Variants in ATG16L2 observed in about 807,000 individuals in gnomAD.
ATG16L2 encodes autophagy related 16 like 2.
ATG16L2 carries 77 observed loss-of-function variants against 84.7 expected under a neutral mutation model. That is an observed-to-expected ratio of 0.91 (90% confidence interval 0.76 to 1.10). ATG16L2 has a LOEUF of 1.10. Ranked by LOEUF, ATG16L2 falls within the 50% of genes least tolerant of loss-of-function variation. The probability of loss-of-function intolerance (pLI) is 0.00; values close to 1 mark genes in which losing one functional copy is unlikely to be tolerated. For missense variants in ATG16L2, 782 were observed against 817.6 expected (o/e 0.96, Z 0.53); for synonymous variants, 361 against 342.8 (o/e 1.05, Z -0.59).
chr11:72,835,283 T>C (rs1321168320), intron 5 of ATG16L2, among the ~76,000 whole-genome samples: 2 of 152,192 alleles, frequency 1.3e-5, no homozygotes, highest in Non-Finnish European at 2.9e-5. Context: ...ACACACATTC[T>C]TTCCCTTGGG....
intron 3 of ATG16L2, 95 bp downstream of exon 3, chr11:72,817,950 GC>G: frequency 8.9e-7 from 1 of 1,120,492 alleles, no homozygotes; most frequent in Non-Finnish European, 1.3e-6. Flanking sequence ...AATTCTCCAA[GC>G]CCAGTGCTGC....
chr11:72,838,762 G>A (rs1201296069), intron 5 of ATG16L2: 3 of 1,558,792 alleles, frequency 1.9e-6, no homozygotes, highest in Non-Finnish European at 2.6e-6. Flanking sequence ...GGCCTTGATT[G>A]TAGCAGTAAT....
intron 7 of ATG16L2, chr11:72,823,733 T>TG (rs1337291388): frequency 2.0e-6 from 1 of 490,376 alleles, no homozygotes; most frequent in Admixed American, 2.3e-5. Context: ...ATCCCCAGCC[T>TG]GGGGGAACCT....
At chr11:72,816,624 GC>G in intron 1 of ATG16L2, 103 bp from the exon 2 acceptor site, 1 of 895,422 alleles carries the variant, frequency 1.1e-6, no homozygotes, top group Middle Eastern at 2.5e-4. Context: ...CCCATCCCTA[GC>G]ATCTCTGGGC....
intron 10 of ATG16L2, among the ~76,000 whole-genome samples, chr11:72,825,664 T>G: frequency 6.6e-6 from 1 of 152,070 alleles, no homozygotes; most frequent in East Asian, 1.9e-4. Flanking sequence ...TGATGGGGAT[T>G]GGTGGGGGTC....
intron 3 of ATG16L2, chr11:72,821,186 C>T: frequency 1.0e-6 from 1 of 983,538 alleles, no homozygotes; most frequent in South Asian, 4.6e-5. Context: ...TGTCGGTGTC[C>T]TTGTCTGTGA....
intron 9 of ATG16L2, 44 bp from the exon 10 acceptor site, chr11:72,825,258 A>G (rs1403812841): frequency 2.0e-6 from 3 of 1,502,804 alleles, no homozygotes; most frequent in Admixed American, 3.4e-5. Context: ...TCACAGAGAC[A>G]TGCGCGGGGA....
chr11:72,821,244 G>T, intron 3 of ATG16L2: 1 of 1,005,098 alleles, frequency 9.9e-7, no homozygotes, highest in South Asian at 4.0e-5. Context: ...GATGGAAGGA[G>T]CGTGTAGCCT....
At chr11:72,830,887 C>T (rs945214822), downstream of ATG16L2, among the ~76,000 whole-genome samples, 1 of 152,238 alleles carries the variant, frequency 6.6e-6, no homozygotes, top group African/African-American at 2.4e-5. Context: ...GCCTTAGCCT[C>T]CCCAGTAGCT....
chr11:72,837,888 A>C (rs571195619), intron 5 of ATG16L2: 1 of 152,304 alleles, frequency 6.6e-6, no homozygotes, highest in South Asian at 2.1e-4. Context: ...CCCAGTAGAG[A>C]AGCTCAACAA....
intron 5 of ATG16L2, among the ~76,000 whole-genome samples, chr11:72,835,420 G>A (rs930104001): frequency 6.6e-6 from 1 of 152,102 alleles, no homozygotes; most frequent in South Asian, 2.1e-4. Flanking sequence ...GTGGTGGTGA[G>A]GAGAGGTGGT....
chr11:72,824,840 C>T lies in ATG16L2; in HGVS notation c.994C>T (p.Leu332=), dbSNP rs146474296. ...ARLPTRAQDV[L]DAHLSEVNAV... ...ACTTCCTACCCGGGCTCAGGATGTG[C>T]TGGTAAGGGAGGAGCTGAGCCACAT... The change falls in exon 9 of 18, where the codon CTG becomes TTG. Residue 332 remains leucine, a splice_region_variant and synonymous_variant. Coordinates refer to ENST00000321297, the MANE Select transcript of ATG16L2 (RefSeq NM_033388.2). The T allele has an allele frequency of 7.4e-4, 1,180 of 1,585,466 alleles. 13 individuals carry two copies. The East Asian group carries it at 0.022, about 30-fold the overall frequency.
In ATG16L2 at chr11:72,829,453, A is replaced by C. The variant is rs998640401; in HGVS notation, c.*63A>C. Reference sequence around the variant, plus strand: ...GAAGCCTGAAGCTTCCTTCGGCGCCATGCAGGGGTTGGGGTTGGGACTGGA... The same window carrying C: ...GAAGCCTGAAGCTTCCTTCGGCGCCCTGCAGGGGTTGGGGTTGGGACTGGA... On this transcript the variant is annotated 3_prime_UTR_variant, in exon 18 of 18. Coordinates refer to ENST00000321297, the MANE Select transcript of ATG16L2 (RefSeq NM_033388.2). The C allele has an allele frequency of 2.5e-6, 4 of 1,573,158 alleles. No individual in the cohort carries two copies. Among genetic ancestry groups the C allele is most frequent in the Non-Finnish European group, 2.6e-6 (3 of 1,157,818 alleles).
In ATG16L2 at chr11:72,822,355, G is replaced by C. The variant is rs770218098; in HGVS notation, c.644+60G>C. The C allele has an allele frequency of 1.7e-5, 26 of 1,552,254 alleles. No homozygotes were observed. The African/African-American group carries it at 3.1e-4, about 19-fold the overall frequency. The stretch of plus-strand genomic sequence containing the variant: ...GCCCCGCCCCTGCAGGGAGGAGTCG[G>C]GCCTCGCCGGTGTCTGGAAGGGAGG... On this transcript the variant is annotated intron_variant, in intron 5 of 17. Transcript: ENST00000321297. The surrounding 1 kb of genome is among the most constrained non-coding windows in gnomAD (Gnocchi z 4.2).
intron 5 of ATG16L2, among the ~76,000 whole-genome samples, chr11:72,834,741 C>A (rs1322957746): frequency 6.6e-6 from 1 of 152,142 alleles, no homozygotes; most frequent in African/African-American, 2.4e-5. Flanking sequence ...CACCACCACA[C>A]CTGGCTAATT....
At chr11:72,825,540 A>T in intron 10 of ATG16L2, 133 bp downstream of exon 10, 1 of 705,764 alleles carries the variant, frequency 1.4e-6, no homozygotes, top group Non-Finnish European at 2.4e-6. Flanking sequence ...CAGTGACTAG[A>T]CAATGCCTTG....
intron 1 of ATG16L2, 60 bp from the exon 2 acceptor site, chr11:72,816,668 A>C: frequency 7.2e-7 from 1 of 1,382,930 alleles, no homozygotes; most frequent in African/African-American, 1.4e-5. Context: ...GATAAATTGC[A>C]TGCCAGGGGG....
chr11:72,838,998 G>T, intron 5 of ATG16L2: 1 of 741,436 alleles, frequency 1.3e-6, no homozygotes, highest in South Asian at 1.7e-5. Flanking sequence ...GAAATGTTGT[G>T]AGCACGTGCT....
chr11:72,827,310 GGGGGAGGACTT>G lies in ATG16L2; in HGVS notation c.1472+25_1472+35del. 2 of 1,601,024 alleles carry G rather than the reference GGGGGAGGACTT, an allele frequency of 1.2e-6. No individual in the cohort carries two copies. Among genetic ancestry groups the G allele is most frequent in the Non-Finnish European group, 8.6e-7 (1 of 1,168,120 alleles). ...GGACAGCAGGTGACAGGCGCAGGCT[GGGGGAGGACTT>G]GGGGAGGGCTGGGGACAGGGCTCCC... On this transcript the variant is annotated intron_variant, in intron 14 of 17. Coordinates refer to ENST00000321297, the MANE Select transcript of ATG16L2 (RefSeq NM_033388.2).
Sources: allele counts gnomAD v4.1 joint callset (sites outside exome capture counted in the v4.1 genomes callset), GRCh38; gene constraint gnomAD v4.1.1; non-coding constraint Gnocchi (gnomAD v3.1); transcripts MANE v1.5; gene names NCBI Gene and HGNC (gene_info 2026-07-23, HGNC 2026-07-21).